The following GPHN variants were observed in gnomAD, a reference collection of about 807,000 sequenced individuals.
The protein encoded by GPHN is gephyrin.
GPHN carries 17 observed loss-of-function variants against 95.5 expected under a neutral mutation model. The ratio of observed to expected loss-of-function variants is 0.18; its 90% confidence interval spans 0.12 to 0.27. The LOEUF (loss-of-function observed/expected upper bound fraction) is 0.27, where lower values mean the gene tolerates loss of function less well. Among genes scored for constraint, GPHN ranks in the 10% least tolerant of loss-of-function variants. The probability of loss-of-function intolerance (pLI) is 1.00; values close to 1 mark genes in which losing one functional copy is unlikely to be tolerated. For synonymous variants in GPHN, 320 were observed against 322.5 expected (o/e 0.99, Z 0.08); for missense variants, 660 against 978.1 (o/e 0.67, Z 4.34).
chr14:67,285,663 T>A, the GPHN span, among the ~76,000 whole-genome samples: 1 of 152,116 alleles, frequency 6.6e-6, no homozygotes, highest in African/African-American at 2.4e-5. Flanking sequence ...CCACTGCGCC[T>A]GACCCCCTTA....
At chr14:66,996,909 G>A (rs959477064) in intron 9 of GPHN, among the ~76,000 whole-genome samples, 3 of 151,836 alleles carry the variant, frequency 2.0e-5, no homozygotes, top group Non-Finnish European at 4.4e-5. Flanking sequence ...TATCCTTACT[G>A]TGTTAAACTA....
At chr14:67,222,034 C>T in the GPHN span, 3 of 507,508 alleles carry the variant, frequency 5.9e-6, no homozygotes, top group Non-Finnish European at 1.0e-5. Flanking sequence ...TGGTACTTTA[C>T]TACTTCAGTT....
the GPHN span, among the ~76,000 whole-genome samples, chr14:67,602,052 C>A: frequency 1.3e-5 from 2 of 152,124 alleles, no homozygotes; most frequent in Non-Finnish European, 2.9e-5. Context: ...CCGAATCTGA[C>A]AATTAATACA....
At chr14:67,420,059 A>G in the GPHN span, among the ~76,000 whole-genome samples, 1 of 152,142 alleles carries the variant, frequency 6.6e-6, no homozygotes, top group Non-Finnish European at 1.5e-5. Flanking sequence ...GGGAACCAGG[A>G]CCCTGGAAAA....
the GPHN span, among the ~76,000 whole-genome samples, chr14:67,503,946 C>A: frequency 6.6e-6 from 1 of 152,034 alleles, no homozygotes; most frequent in Non-Finnish European, 1.5e-5. Flanking sequence ...TCGTGATCTG[C>A]CTGCCTCAGC....
At chr14:67,702,916 T>G in the GPHN span, among the ~76,000 whole-genome samples, 4 of 152,266 alleles carry the variant, frequency 2.6e-5, no homozygotes, top group East Asian at 3.9e-4. Context: ...CAGGCTCAAG[T>G]GATTCTCCCA....
At chr14:66,583,142 T>C (rs2061266196) in intron 1 of GPHN, among the ~76,000 whole-genome samples, 1 of 152,124 alleles carries the variant, frequency 6.6e-6, no homozygotes, top group Non-Finnish European at 1.5e-5. Flanking sequence ...CCAGTGATGA[T>C]GAGCATTTTT....
At chr14:67,438,682 G>A in the GPHN span, among the ~76,000 whole-genome samples, 2 of 151,970 alleles carry the variant, frequency 1.3e-5, no homozygotes, top group African/African-American at 4.8e-5. Context: ...CCAACATGGC[G>A]AAACCCCATC....
chr14:67,641,433 T>C, the GPHN span, among the ~76,000 whole-genome samples: 17 of 152,216 alleles, frequency 1.1e-4, no homozygotes, highest in Non-Finnish European at 2.5e-4. Flanking sequence ...TGGCACTTAA[T>C]AGCTGTGTAA....
At chr14:66,563,973 C>A (rs1229971544) in intron 1 of GPHN, among the ~76,000 whole-genome samples, 1 of 152,114 alleles carries the variant, frequency 6.6e-6, no homozygotes, top group African/African-American at 2.4e-5. Context: ...GGTAAGTACA[C>A]AGTAAGCGTT....
chr14:67,167,180 C>G (rs2082329933), intron 20 of GPHN, among the ~76,000 whole-genome samples: 1 of 152,148 alleles, frequency 6.6e-6, no homozygotes. Context: ...CATAATCCCC[C>G]AACACCCACA....
intron 1 of GPHN, among the ~76,000 whole-genome samples, chr14:66,571,954 C>T (rs201564728): frequency 5.3e-5 from 8 of 152,296 alleles, no homozygotes; most frequent in African/African-American, 1.4e-4. Flanking sequence ...TTGTATATGA[C>T]GTGAGATAAA....
At chr14:66,621,375 A>G (rs1200483256) in intron 1 of GPHN, among the ~76,000 whole-genome samples, 9 of 150,584 alleles carry the variant, frequency 6.0e-5, no homozygotes, top group Non-Finnish European at 1.0e-4. Context: ...TCGGCCTCCC[A>G]AAGTGCTGGG....
At chr14:67,555,682 C>G in the GPHN span, 4,805 of 1,208,556 alleles carry the variant, frequency 4.0e-3, 17 homozygotes, top group Non-Finnish European at 5.0e-3. Flanking sequence ...AAATCCTTAC[C>G]CTGACACTCT....
intron 8 of GPHN, among the ~76,000 whole-genome samples, chr14:66,956,189 A>T (rs1321931865): frequency 6.6e-6 from 1 of 151,990 alleles, no homozygotes; most frequent in Non-Finnish European, 1.5e-5. Context: ...TTGATATGAA[A>T]TCTTTCTTCT....
intron 1 of GPHN, among the ~76,000 whole-genome samples, chr14:66,518,033 C>T (rs2058320965): frequency 6.6e-6 from 1 of 151,640 alleles, no homozygotes; most frequent in South Asian, 2.1e-4. Context: ...TATTTGCAAA[C>T]TGTTCATCTG....
At chr14:67,382,864 T>C in the GPHN span, among the ~76,000 whole-genome samples, 6 of 152,130 alleles carry the variant, frequency 3.9e-5, no homozygotes, top group Non-Finnish European at 8.8e-5. Context: ...TCTCCTGTCT[T>C]TTCCTTGTCC....
chr14:66,622,108 G>C (rs113694295), intron 1 of GPHN, among the ~76,000 whole-genome samples: 1 of 152,090 alleles, frequency 6.6e-6, no homozygotes, highest in South Asian at 2.1e-4. Flanking sequence ...AGGTATTTAC[G>C]TACATCCTGT....
At chr14:66,553,690 C>T (rs897276942) in intron 1 of GPHN, among the ~76,000 whole-genome samples, 4 of 152,298 alleles carry the variant, frequency 2.6e-5, no homozygotes, top group East Asian at 1.9e-4. Context: ...AATTCTCCTG[C>T]GTCAGCCTCC....
Sources: allele counts gnomAD v4.1 joint callset (sites outside exome capture counted in the v4.1 genomes callset), GRCh38; gene constraint gnomAD v4.1.1; transcripts MANE v1.5; gene names NCBI Gene and HGNC (gene_info 2026-07-23, HGNC 2026-07-21).